Variants in PLIN4 observed in about 807,000 individuals in gnomAD.
PLIN4 encodes the protein perilipin 4.
In PLIN4, 57 loss-of-function variants were observed where a neutral mutation model predicts 52.4. That is an observed-to-expected ratio of 1.09 (90% CI 0.88 to 1.36). PLIN4 has a LOEUF of 1.36. Among genes scored for constraint, PLIN4 ranks in the 40% most tolerant of loss-of-function variants. The pLI, the probability that PLIN4 is intolerant of heterozygous loss-of-function variation, is 0.00. For missense variants in PLIN4, 1,757 were observed against 1,770.3 expected, an observed-to-expected ratio of 0.99 and a Z score of 0.13; for synonymous variants, 826 against 785.4, an observed-to-expected ratio of 1.05 and a Z score of -0.86.
At chr19:4,506,262 G>C (rs916052898) in intron 6 of PLIN4, among the ~76,000 whole-genome samples, 1 of 152,122 alleles carries the variant, frequency 6.6e-6, no homozygotes, top group Admixed American at 6.5e-5. Context: ...AGCCTCCCAG[G>C]CCTCCTTCCT....
chr19:4,514,620 G>C (rs543061052), intron 4 of PLIN4, among the ~76,000 whole-genome samples: 4 of 151,684 alleles, frequency 2.6e-5, no homozygotes, highest in Non-Finnish European at 5.9e-5. Flanking sequence ...CCAGCTACTC[G>C]GGAGGCTGAG....
rs538030275 is a variant in PLIN4 at position 4,508,860 on chromosome 19, G to A, written c.3610C>T (p.Gln1204Ter). 1 of 1,612,366 alleles carries A rather than the reference G, an allele frequency of 6.2e-7. No individual in the cohort carries two copies. Among genetic ancestry groups the A allele is most frequent in the East Asian group, 2.2e-5 (1 of 44,822 alleles). The change falls in exon 6 of 8, where the codon CAG becomes TAG. Residue 1204 changes from glutamine (Q) to a stop codon, truncating the protein, a stop_gained. Transcript: ENST00000301286. LOFTEE classifies it high-confidence loss of function. ...CTCACCGCGTGTTCAAATGCCCGCTGGCGGAAGCTGGGACCCAGGTCACCT... is the reference window on the plus strand; with the variant it reads ...CTCACCGCGTGTTCAAATGCCCGCTAGCGGAAGCTGGGACCCAGGTCACCT... ...RLGDLGPSFR[Q>*]RAFEHAVSHL...
chr19:4,511,043 T>TC lies in PLIN4; in HGVS notation c.2916dup (p.Asn973GlufsTer86). 1 of 1,613,406 alleles carries TC rather than the reference T, an allele frequency of 6.2e-7. No homozygotes were observed. Among genetic ancestry groups the TC allele is most frequent in the South Asian group, 1.1e-5 (1 of 91,072 alleles). On this transcript the variant is annotated frameshift_variant, in exon 5 of 8. Coordinates refer to ENST00000301286, the MANE Select transcript of PLIN4 (RefSeq NM_001367868.2). LOFTEE classifies it high-confidence loss of function. ...GTCTGCACGGTTCCTTTGGCCACAT[T>TC]CACTGCCCCCGTGACTCCAGTAGTC...
rs1192654976 is a variant in PLIN4, at chr19:4,518,114, G to A, written c.51+108C>T. ...CCAGACCGCCCCCACCAGCCCACCAGGGAAGCACCTCTCCAGATTCGAGAC... is the reference window on the plus strand; with the variant it reads ...CCAGACCGCCCCCACCAGCCCACCAAGGAAGCACCTCTCCAGATTCGAGAC... On this transcript the variant is annotated intron_variant, in intron 2 of 7. Coordinates refer to ENST00000301286, the MANE Select transcript of PLIN4 (RefSeq NM_001367868.2). 4.1e-6 allele frequency: 4 copies of A among 986,196 alleles called. No individual in the cohort carries two copies. The East Asian group carries it at 9.7e-5, about 24-fold the overall frequency. The allele number at this position is 986,196 out of a possible 1,614,324, so 61.1% of individuals were successfully genotyped here.
intron 4 of PLIN4, 82 bp downstream of exon 4, chr19:4,516,535 G>C: frequency 2.0e-6 from 3 of 1,483,984 alleles, no homozygotes; most frequent in Non-Finnish European, 2.7e-6. Context: ...CAGCCCCCCA[G>C]ATAGCAGGAA....
chr19:4,508,879 G>T lies in PLIN4; in HGVS notation c.3591C>A (p.Asp1197Glu). 1 of 1,613,174 alleles carries T rather than the reference G, an allele frequency of 6.2e-7. No homozygotes were observed. The highest frequency in any genetic ancestry group is 1.1e-5 in the South Asian group (1 of 91,050). ...CCCGCTGGCGGAAGCTGGGACCCAG[G>T]TCACCTAAACGAACGAAGTAGCTCC... ...EQGSYFVRLGDLGPSFRQRAF... is the reference protein window; with the variant it reads ...EQGSYFVRLGELGPSFRQRAF... Residue 1197 changes from aspartate (D) to glutamate (E), a missense_variant, in exon 6 of 8, where the codon GAC becomes GAA. Physicochemically the swap from Asp to Glu is conservative, Grantham distance 45. Transcript: ENST00000301286.
rs748471319 is a variant in PLIN4, at chr19:4,511,165, C to T, written c.2795G>A (p.Cys932Tyr). 3.7e-6 allele frequency: 6 copies of T among 1,610,550 alleles called. No homozygotes were observed. In the East Asian group the frequency reaches 8.9e-5, roughly 24 times the overall value. Reference protein sequence around the residue: ...TVLTGTKDTVCSGVTGAVNVA... With the variant: ...TVLTGTKDTVYSGVTGAVNVA... ...ATTTACGGCACCAGTGACTCCACTG[C>T]AGACGGTGTCCTTGGTACCGGTCAG... Residue 932 changes from cysteine (C) to tyrosine (Y), a missense_variant, in exon 5 of 8, where the codon TGC (cysteine) becomes TAC (tyrosine). Coordinates refer to ENST00000301286, the MANE Select transcript of PLIN4 (RefSeq NM_001367868.2).
At chr19:4,514,507 C>T (rs1326142322) in intron 4 of PLIN4, among the ~76,000 whole-genome samples, 4 of 151,478 alleles carry the variant, frequency 2.6e-5, no homozygotes, top group Admixed American at 6.6e-5. Context: ...GGGCAGATCA[C>T]GAGGTCAGGA....
rs528011099 is a variant in PLIN4, at chr19:4,502,317, C to G, written c.*2142G>C. 2.3e-6 allele frequency: 1 copy of G among 444,434 alleles called. No individual in the cohort carries two copies. The highest frequency in any genetic ancestry group is 4.1e-6 in the Non-Finnish European group (1 of 242,974). The allele number at this position is 444,434 out of a possible 1,614,324, so 27.5% of individuals were successfully genotyped here. A position where few individuals can be genotyped will look rare whatever the true frequency, so the allele number is the denominator to read the frequency against. On this transcript the variant is annotated 3_prime_UTR_variant, in exon 8 of 8. Transcript: ENST00000301286. ...CCCGTTTGGGACTGGGTTGAGCCAT[C>G]AGGCCACCGTGAGAAGCGACTAAAA...
At chr19:4,508,181 G>C (rs926823336) in intron 6 of PLIN4, among the ~76,000 whole-genome samples, 1 of 152,202 alleles carries the variant, frequency 6.6e-6, no homozygotes, top group Non-Finnish European at 1.5e-5. Flanking sequence ...GGTCAGGACA[G>C]GGCCCAGAGG....
At chr19:4,505,434 C>T (rs561131561) in intron 6 of PLIN4, among the ~76,000 whole-genome samples, 1 of 152,334 alleles carries the variant, frequency 6.6e-6, no homozygotes, top group Admixed American at 6.5e-5. Flanking sequence ...ACAAGGTCCG[C>T]GTTCGGCCTC....
Position 4,502,395 on chromosome 19 carries a change from G to C in PLIN4, c.*2064C>G, listed in dbSNP as rs568655153. 6 of 350,730 alleles carry C rather than the reference G, an allele frequency of 1.7e-5. No individual in the cohort carries two copies. The highest frequency in any genetic ancestry group is 4.3e-5 in the Admixed American group (1 of 23,034). The allele number at this position is 350,730 out of a possible 1,614,324, so 21.7% of individuals were successfully genotyped here. A position where few individuals can be genotyped will look rare whatever the true frequency, so the allele number is the denominator to read the frequency against. Reference sequence around the variant, plus strand: ...AAGGCCAGTGGCAGGAGAGCTGGGCGGGAGCAAGCTCTTCCCAGGAGACAA... The same window carrying C: ...AAGGCCAGTGGCAGGAGAGCTGGGCCGGAGCAAGCTCTTCCCAGGAGACAA... On this transcript the variant is annotated 3_prime_UTR_variant, in exon 8 of 8. Coordinates refer to ENST00000301286, the MANE Select transcript of PLIN4 (RefSeq NM_001367868.2).
Position 4,511,468 on chromosome 19 carries a change from G to T in PLIN4, c.2492C>A (p.Thr831Asn). The T allele has an allele frequency of 6.5e-7, 1 of 1,542,300 alleles. No homozygotes were observed. The highest frequency in any genetic ancestry group is 2.3e-5 in the East Asian group (1 of 44,126). The change falls in exon 5 of 8, where the codon ACT (threonine) becomes AAT (asparagine). Residue 831 changes from threonine to asparagine, a missense_variant. Around this residue, in one of 7 missense-constraint regions of PLIN4, gnomAD observed 76 missense variants for 109.1 expected, o/e 0.70. Coordinates refer to ENST00000301286, the MANE Select transcript of PLIN4 (RefSeq NM_001367868.2). ...AKTVLTGTKD[T>N]VCSGVTGAAN... ...AGCACCGGTGACCCCACTGCAGACA[G>T]TGTCCTTGGTACCGGTCAGCACGGT...
Position 4,502,530 on chromosome 19 carries a change from G to A in PLIN4, c.*1929C>T, listed in dbSNP as rs960025244. The A allele has an allele frequency of 1.5e-5, 4 of 264,436 alleles. No homozygotes were observed. The highest frequency in any genetic ancestry group is 7.1e-5 in the African/African-American group (3 of 42,274). 16.4% of individuals were successfully genotyped at this position (264,436 alleles called of 1,614,324 possible). On this transcript the variant is annotated 3_prime_UTR_variant, in exon 8 of 8. Transcript: ENST00000301286. ...CTGGCAGCCCAGGGTCCAGGCAGGT[G>A]AGCAGGTCCGATGTGGGGAGGACGA...
chr19:4,512,663 T>A lies in PLIN4; in HGVS notation c.1297A>T (p.Lys433Ter). The change falls in exon 5 of 8, where the codon AAG (lysine) becomes TAG (stop). Residue 433 changes from lysine to a stop codon, truncating the protein, a stop_gained. Transcript: ENST00000301286. LOFTEE classifies it high-confidence loss of function. ...GTCACCCCACTGCAGACGGTGTCCT[T>A]TGTACCTGTTGCGATATTTTGGGTT... ...NTTQNIATGTKDTVCSGVTGA... is the reference protein window; with the variant it reads ...NTTQNIATGT 6.4e-7 allele frequency: 1 copy of A among 1,561,158 alleles called. No homozygotes were observed. The highest frequency in any genetic ancestry group is 8.6e-7 in the Non-Finnish European group (1 of 1,158,160).
chr19:4,510,705 T>A lies in PLIN4; in HGVS notation c.3255A>T (p.Gln1085His). The change falls in exon 5 of 8, where the codon CAA (glutamine) becomes CAT (histidine). Residue 1085 changes from glutamine to histidine, a missense_variant. Around this residue, in one of 7 missense-constraint regions of PLIN4, gnomAD observed 712 missense variants for 637.1 expected, o/e 1.12. Coordinates refer to ENST00000301286, the MANE Select transcript of PLIN4 (RefSeq NM_001367868.2). ...NGGEQTALSP[Q>H]EAPFSGISTP... The stretch of plus-strand genomic sequence containing the variant: ...TGGAGATGCCAGAGAACGGGGCCTC[T>A]TGGGGGCTCAGGGCAGTCTGCTCCC... 6.5e-7 allele frequency: 1 copy of A among 1,527,894 alleles called. No homozygotes were observed. The highest frequency in any genetic ancestry group is 8.8e-7 in the Non-Finnish European group (1 of 1,140,432). The allele number at this position is 1,527,894 out of a possible 1,614,324, so 94.6% of individuals were successfully genotyped here.
Position 4,511,432 on chromosome 19 carries a change from G to A in PLIN4, c.2528C>T (p.Ala843Val), listed in dbSNP as rs1394588132. Reference protein sequence around the residue: ...CSGVTGAANVAKGAVQTGLKT... With the variant: ...CSGVTGAANVVKGAVQTGLKT... ...CAGCCCAGTTTGCACAGCACCCTTG[G>A]CCACGTTCGCAGCACCGGTGACCCC... is the stretch of plus-strand genomic sequence containing the variant. Residue 843 changes from alanine (A) to valine (V), a missense_variant, in exon 5 of 8, where the codon GCC becomes GTC. By Grantham distance (64) the Ala-to-Val change is moderately conservative. Around this residue, in one of 7 missense-constraint regions of PLIN4, gnomAD observed 76 missense variants for 109.1 expected, o/e 0.70. Transcript: ENST00000301286. 1 of 1,532,032 alleles carries A rather than the reference G, an allele frequency of 6.5e-7. No homozygotes were observed. Among genetic ancestry groups the A allele is most frequent in the Non-Finnish European group, 8.9e-7 (1 of 1,121,126 alleles). 94.9% of individuals were successfully genotyped at this position (1,532,032 alleles called of 1,614,324 possible). A position where few individuals can be genotyped will look rare whatever the true frequency, so the allele number is the denominator to read the frequency against.
rs200538852 is a variant in PLIN4, at chr19:4,511,388, C to T, written c.2572G>A (p.Ala858Thr). 1.4e-5 allele frequency: 22 copies of T among 1,553,682 alleles called. No homozygotes were observed. Among genetic ancestry groups the T allele is most frequent in the Middle Eastern group, 1.7e-4 (1 of 5,782 alleles). ...QTGLKTTQNI[A>T]TGTKNTLGSG... The stretch of plus-strand genomic sequence containing the variant: ...CCAAGGGTGTTCTTTGTACCTGTTG[C>T]GATATTTTGGGTCGTTTTCAGCCCA... Residue 858 changes from alanine (A) to threonine (T), a missense_variant, in exon 5 of 8, where the codon GCA (alanine) becomes ACA (threonine). Ala to Thr is a moderately conservative substitution (Grantham distance 58). Around this residue, in one of 7 missense-constraint regions of PLIN4, gnomAD observed 76 missense variants for 109.1 expected, o/e 0.70. Transcript: ENST00000301286.
Position 4,508,840 on chromosome 19 carries a change from C to T in PLIN4, c.3630G>A (p.Ala1210=), listed in dbSNP as rs373090224. The part of the protein sequence containing the change: ...PSFRQRAFEH[A]VSHLQHGQFQ... ...ACTGGCCGTGCTGCAGGTGGCTCACCGCGTGTTCAAATGCCCGCTGGCGGA... is the reference window on the plus strand; with the variant it reads ...ACTGGCCGTGCTGCAGGTGGCTCACTGCGTGTTCAAATGCCCGCTGGCGGA... Residue 1210 remains alanine, a synonymous_variant, in exon 6 of 8, where the codon GCG becomes GCA. Transcript: ENST00000301286. The T allele has an allele frequency of 2.6e-5, 42 of 1,609,046 alleles. No homozygotes were observed. The highest frequency in any genetic ancestry group is 3.4e-5 in the Admixed American group (2 of 59,452).
Sources: allele counts gnomAD v4.1 joint callset (sites outside exome capture counted in the v4.1 genomes callset), GRCh38; gene constraint gnomAD v4.1.1; regional missense constraint gnomAD v4.1.1; transcripts MANE v1.5; gene names NCBI Gene and HGNC (gene_info 2026-07-23, HGNC 2026-07-21).